Variants in SEMA5A observed in about 807,000 individuals in gnomAD.
SEMA5A encodes semaphorin 5A, also known as semaphorin-5A.
A neutral mutation model predicts 135.5 loss-of-function variants in SEMA5A; 55 were observed. The observed-to-expected ratio is 0.41, with a 90% CI of 0.33 to 0.51. The LOEUF (loss-of-function observed/expected upper bound fraction) is 0.51, where lower values mean the gene tolerates loss of function less well. Ranked by LOEUF, SEMA5A falls within the 20% of genes least tolerant of loss-of-function variation. The pLI, the probability that SEMA5A is intolerant of heterozygous loss-of-function variation, is 0.37. For synonymous variants in SEMA5A, 580 were observed against 546.5 expected, an observed-to-expected ratio of 1.06 and a Z score of -0.85; for missense variants, 1,290 against 1,419.9, an observed-to-expected ratio of 0.91 and a Z score of 1.47.
intron 1 of SEMA5A, among the ~76,000 whole-genome samples, chr5:9,510,942 G>A (rs970897815): frequency 2.0e-5 from 3 of 152,176 alleles, no homozygotes; most frequent in African/African-American, 7.2e-5. Flanking sequence ...CATTCGGCCT[G>A]CCATGCCCAT....
At chr5:9,318,235 C>G in intron 5 of SEMA5A, 137 bp downstream of exon 5, 1 of 688,562 alleles carries the variant, frequency 1.5e-6, no homozygotes, top group South Asian at 2.4e-5. Context: ...GCCTTAGTCC[C>G]GTGGCCTGAC....
chr5:9,152,759 TGCGACCTGG>T (rs1742698287), intron 12 of SEMA5A, among the ~76,000 whole-genome samples: 1 of 152,202 alleles, frequency 6.6e-6, no homozygotes, highest in Non-Finnish European at 1.5e-5. Flanking sequence ...GAAATACTTT[TGCGACCTGG>T]GTCAAGAAAC....
intron 2 of SEMA5A, among the ~76,000 whole-genome samples, chr5:9,418,737 T>C (rs898121266): frequency 1.3e-5 from 2 of 152,218 alleles, no homozygotes; most frequent in African/African-American, 4.8e-5. Flanking sequence ...GTACTACATA[T>C]ACTCCTGGTG....
chr5:9,050,299 G>T, intron 21 of SEMA5A, 111 bp downstream of exon 21: 1 of 960,886 alleles, frequency 1.0e-6, no homozygotes, highest in Non-Finnish European at 1.5e-6. Context: ...GACTTTCTCC[G>T]GTTTTTCATT....
intron 7 of SEMA5A, among the ~76,000 whole-genome samples, chr5:9,225,613 G>A (rs1179231724): frequency 6.6e-6 from 1 of 151,038 alleles, no homozygotes; most frequent in Non-Finnish European, 1.5e-5. Context: ...CAATATAAGT[G>A]AAGCAAAATA....
intron 1 of SEMA5A, among the ~76,000 whole-genome samples, chr5:9,505,337 T>C (rs567002550): frequency 3.7e-4 from 56 of 152,312 alleles, no homozygotes; most frequent in African/African-American, 1.3e-3. Context: ...GAAATCCATT[T>C]AGTATAATTT....
intron 16 of SEMA5A, among the ~76,000 whole-genome samples, chr5:9,080,458 G>C (rs1044114000): frequency 4.6e-5 from 7 of 151,722 alleles, no homozygotes; most frequent in Admixed American, 6.6e-5. Context: ...CAGGTTGATG[G>C]GTGCAGCAAA....
intron 1 of SEMA5A, among the ~76,000 whole-genome samples, chr5:9,460,517 T>C (rs1759016468): frequency 6.6e-6 from 1 of 152,144 alleles, no homozygotes; most frequent in African/African-American, 2.4e-5. Context: ...TATTTCAATC[T>C]GTCTACTATT....
At chr5:9,537,555 C>G (rs1305004785) in intron 1 of SEMA5A, among the ~76,000 whole-genome samples, 1 of 152,176 alleles carries the variant, frequency 6.6e-6, no homozygotes, top group Non-Finnish European at 1.5e-5. Context: ...TAACTCCTTA[C>G]CACTCATGAA....
At chr5:9,537,776 T>C (rs1579706983) in intron 1 of SEMA5A, among the ~76,000 whole-genome samples, 1 of 152,182 alleles carries the variant, frequency 6.6e-6, no homozygotes, top group East Asian at 1.9e-4. Flanking sequence ...CTAGAAATAC[T>C]GAAGAAATTA....
At chr5:9,140,400 G>A (rs1323422887) in intron 12 of SEMA5A, among the ~76,000 whole-genome samples, 1 of 152,192 alleles carries the variant, frequency 6.6e-6, no homozygotes, top group African/African-American at 2.4e-5. Flanking sequence ...TATTATCCAG[G>A]TGTCAGCAAT....
At chr5:9,048,250 G>A (rs949894700) in intron 21 of SEMA5A, among the ~76,000 whole-genome samples, 15 of 152,054 alleles carry the variant, frequency 9.9e-5, no homozygotes, top group Non-Finnish European at 1.6e-4. Flanking sequence ...CGTTTCCTAC[G>A]GTGCTTTGGG....
chr5:9,392,558 C>CA (rs1756209714), intron 2 of SEMA5A, among the ~76,000 whole-genome samples: 1 of 152,132 alleles, frequency 6.6e-6, no homozygotes, highest in Non-Finnish European at 1.5e-5. Context: ...CCTTTGTCCT[C>CA]AGTCATTTCA....
rs189260725 is a variant in SEMA5A, at chr5:9,225,476, G to A, written c.433-589C>T. On this transcript the variant is annotated intron_variant, in intron 7 of 22. Coordinates refer to ENST00000382496, the MANE Select transcript of SEMA5A (RefSeq NM_003966.3). Reference sequence around the variant, plus strand: ...CCCAGCTACTCGGGAGGCTGAGGCAGGAGAATCGCTTGAACCCAGGAGGCG... The same window carrying A: ...CCCAGCTACTCGGGAGGCTGAGGCAAGAGAATCGCTTGAACCCAGGAGGCG... Among the ~76,000 whole-genome samples, 1,160 of 150,244 alleles carry A rather than the reference G, an allele frequency of 7.7e-3. 14 individuals carry two copies. The highest frequency in any genetic ancestry group is 0.027 in the African/African-American group (1,111 of 40,802).
At chr5:9,447,641 C>T (rs181811338) in intron 1 of SEMA5A, among the ~76,000 whole-genome samples, 36 of 152,216 alleles carry the variant, frequency 2.4e-4, no homozygotes, top group Admixed American at 2.0e-4. Flanking sequence ...CTGAGTGTGT[C>T]GCACAACCAA....
intron 4 of SEMA5A, among the ~76,000 whole-genome samples, chr5:9,328,717 A>G (rs1189682413): frequency 1.3e-5 from 2 of 152,196 alleles, no homozygotes; most frequent in Non-Finnish European, 2.9e-5. Context: ...CAGAGGTTGC[A>G]GTGAGCCGAG....
At chr5:9,224,114 G>C (rs1668389582) in intron 8 of SEMA5A, among the ~76,000 whole-genome samples, 2 of 152,204 alleles carry the variant, frequency 1.3e-5, no homozygotes, top group African/African-American at 4.8e-5. Context: ...GTGGATGGCA[G>C]AGACTGCAGT....
intron 1 of SEMA5A, among the ~76,000 whole-genome samples, chr5:9,510,654 A>T (rs1736152827): frequency 6.6e-6 from 1 of 152,194 alleles, no homozygotes; most frequent in Admixed American, 6.5e-5. Flanking sequence ...TAGTTGAAAC[A>T]AATGAAATTG....
chr5:9,536,555 G>A (rs761035775), intron 1 of SEMA5A, among the ~76,000 whole-genome samples: 4 of 151,608 alleles, frequency 2.6e-5, no homozygotes, highest in Non-Finnish European at 5.9e-5. Flanking sequence ...AGAGGTTACA[G>A]TGAGCCGAGA....
Sources: allele counts gnomAD v4.1 joint callset (sites outside exome capture counted in the v4.1 genomes callset), GRCh38; gene constraint gnomAD v4.1.1; transcripts MANE v1.5; gene names NCBI Gene and HGNC (gene_info 2026-07-23, HGNC 2026-07-21).